The following VCL variants were observed in gnomAD, a reference collection of about 807,000 sequenced individuals.
The protein encoded by VCL is epididymis luminal protein 114.
VCL carries 47 observed loss-of-function variants against 125.7 expected under a neutral mutation model. The ratio of observed to expected loss-of-function variants is 0.37; its 90% CI spans 0.30 to 0.48. VCL has a LOEUF of 0.48. Ranked by LOEUF, VCL falls within the 20% of genes least tolerant of loss-of-function variation. VCL has a pLI of 0.99. For missense variants in VCL, 1,069 were observed against 1,455.5 expected, an observed-to-expected ratio of 0.73 and a Z score of 4.32; for synonymous variants, 458 against 514.6, an observed-to-expected ratio of 0.89 and a Z score of 1.49.
intron 8 of VCL, among the ~76,000 whole-genome samples, chr10:74,083,814 C>T (rs993100825): frequency 1.3e-5 from 2 of 152,072 alleles, no homozygotes; most frequent in Admixed American, 6.6e-5. Context: ...GCCTCAGCCT[C>T]CCGGGTAGCT....
At chr10:74,095,951 T>A (rs1839961967) in intron 12 of VCL, 96 bp downstream of exon 12, 4 of 1,431,866 alleles carry the variant, frequency 2.8e-6, no homozygotes, top group Non-Finnish European at 3.8e-6. Flanking sequence ...ACATAATTTC[T>A]GGGGTCTAGG....
chr10:74,019,655 G>C (rs192592822), intron 1 of VCL, among the ~76,000 whole-genome samples: 4 of 152,264 alleles, frequency 2.6e-5, no homozygotes, highest in Admixed American at 2.6e-4. Flanking sequence ...ACAAGAGGGA[G>C]AGGGAGGAAA....
intron 1 of VCL, 61 bp from the exon 2 acceptor site, chr10:74,043,018 TTAAG>T: frequency 2.1e-6 from 3 of 1,408,228 alleles, no homozygotes; most frequent in South Asian, 2.3e-5. Flanking sequence ...TCAAATATGC[TTAAG>T]TAATAGTTTT....
At chr10:74,114,930 G>A (rs1301136027) in intron 21 of VCL, 31 bp downstream of exon 21, 1 of 1,555,330 alleles carries the variant, frequency 6.4e-7, no homozygotes, top group South Asian at 1.2e-5. Flanking sequence ...GTTTCTGGCT[G>A]GCAGCTTCTG....
At chr10:74,011,621 T>C (rs575084628) in intron 1 of VCL, among the ~76,000 whole-genome samples, 232 of 152,346 alleles carry the variant, frequency 1.5e-3, no homozygotes, top group African/African-American at 5.2e-3. Flanking sequence ...TAAGGATAGC[T>C]GATTATCTCT....
chr10:74,107,315 T>C lies in VCL; in HGVS notation c.2520T>C (p.Pro840=). The C allele has an allele frequency of 6.2e-7, 1 of 1,614,200 alleles. No homozygotes were observed. Among genetic ancestry groups the C allele is most frequent in the Non-Finnish European group, 8.5e-7 (1 of 1,180,032 alleles). Residue 840 remains proline (P), a synonymous_variant, in exon 17 of 22, where the codon CCT becomes CCC. Transcript: ENST00000211998. ...KVREAFQPQE[P]DFPPPPPDLE... ...GAGAAGCCTTCCAACCTCAGGAGCCTGACTTCCCGCCGCCTCCACCAGACC... is the reference window on the plus strand; with the variant it reads ...GAGAAGCCTTCCAACCTCAGGAGCCCGACTTCCCGCCGCCTCCACCAGACC...
At chr10:73,999,997 C>A (rs1840197333) in intron 1 of VCL, among the ~76,000 whole-genome samples, 1 of 152,152 alleles carries the variant, frequency 6.6e-6, no homozygotes, top group South Asian at 2.1e-4. Flanking sequence ...TGTAGTACTT[C>A]AGGAAATGAA....
At chr10:74,013,306 G>A (rs1840470401) in intron 1 of VCL, among the ~76,000 whole-genome samples, 1 of 152,054 alleles carries the variant, frequency 6.6e-6, no homozygotes, top group African/African-American at 2.4e-5. Context: ...TCTAATTTGT[G>A]TTCTCTGAGT....
intron 2 of VCL, among the ~76,000 whole-genome samples, chr10:74,045,079 G>A (rs1260807168): frequency 6.6e-6 from 1 of 152,160 alleles, no homozygotes; most frequent in African/African-American, 2.4e-5. Context: ...GCTGAAGTGG[G>A]AGGATCACCT....
At chr10:74,059,152 C>T (rs1258183534) in intron 2 of VCL, among the ~76,000 whole-genome samples, 4 of 152,048 alleles carry the variant, frequency 2.6e-5, no homozygotes, top group Admixed American at 1.3e-4. Flanking sequence ...GTTGGGAGTT[C>T]GAGACCAGTC....
chr10:74,101,444 C>T (rs1591710241), intron 14 of VCL, among the ~76,000 whole-genome samples: 3 of 152,186 alleles, frequency 2.0e-5, no homozygotes, highest in Admixed American at 2.0e-4. Flanking sequence ...TTTGATTGCC[C>T]CACTGCCCTC....
rs1242706695 is a variant in VCL at position 74,111,907 on chromosome 10, A to G, written c.2746-2A>G. On this transcript the variant is annotated splice_acceptor_variant, in intron 18 of 21. Transcript: ENST00000211998. LOFTEE classifies it high-confidence loss of function. The stretch of plus-strand genomic sequence containing the variant: ...TTCTCATCCTTCCCGCCATCGACAA[A>G]GCCGGGCATCCCAGCCGCTGAGGTG... 6.2e-7 allele frequency: 1 copy of G among 1,614,080 alleles called. No homozygotes were observed.
intron 12 of VCL, among the ~76,000 whole-genome samples, chr10:74,096,621 A>G (rs1367117684): frequency 6.6e-6 from 1 of 152,212 alleles, no homozygotes; most frequent in Non-Finnish European, 1.5e-5. Context: ...TATGAAAAAG[A>G]GCTTGTTCAT....
intron 1 of VCL, among the ~76,000 whole-genome samples, chr10:74,012,622 G>A (rs988546150): frequency 2.0e-5 from 3 of 152,152 alleles, no homozygotes; most frequent in Non-Finnish European, 2.9e-5. Context: ...CACACACACA[G>A]TAGGCCAGCA....
intron 7 of VCL, among the ~76,000 whole-genome samples, chr10:74,082,899 T>C (rs1411241652): frequency 2.6e-5 from 4 of 152,236 alleles, no homozygotes; most frequent in African/African-American, 4.8e-5. Flanking sequence ...AACAGAGTTC[T>C]TAATTAAGCA....
chr10:74,064,154 A>G (rs57273561), intron 2 of VCL, among the ~76,000 whole-genome samples: 9,331 of 152,200 alleles, frequency 0.061, 973 homozygotes, highest in African/African-American at 0.21. Flanking sequence ...CATAACTCAC[A>G]GAAATACTTT....
chr10:74,063,152 C>G (rs1414082864), intron 2 of VCL, among the ~76,000 whole-genome samples: 4 of 152,204 alleles, frequency 2.6e-5, no homozygotes, highest in African/African-American at 9.6e-5. Context: ...TCATCCTCAG[C>G]CTCCTAAAGT....
intron 1 of VCL, among the ~76,000 whole-genome samples, chr10:74,017,839 A>G (rs1840580358): frequency 1.3e-5 from 2 of 151,982 alleles, no homozygotes; most frequent in African/African-American, 4.8e-5. Flanking sequence ...GCTTAATACC[A>G]GAGCGAGAAT....
intron 18 of VCL, among the ~76,000 whole-genome samples, chr10:74,110,366 A>AC: frequency 6.6e-6 from 1 of 152,306 alleles, no homozygotes; most frequent in Middle Eastern, 3.4e-3. Flanking sequence ...TACTTGCCCC[A>AC]CTCTGCCATT....
Sources: gnomAD v4.1 joint callset for allele counts (sites outside exome capture counted in the v4.1 genomes callset) on GRCh38, gnomAD v4.1.1 for gene constraint, MANE v1.5 for transcripts, NCBI Gene and HGNC (gene_info 2026-07-23, HGNC 2026-07-21) for gene names.